TRIM37: variants seen among roughly 807,000 people sequenced by gnomAD.
TRIM37 encodes the protein tripartite motif containing 37.
In TRIM37, 80 loss-of-function variants were observed where a neutral mutation model predicts 129.8. The ratio of observed to expected loss-of-function variants is 0.62; its 90% CI spans 0.51 to 0.74. The LOEUF (loss-of-function observed/expected upper bound fraction) is 0.74, where lower values mean the gene tolerates loss of function less well. Ranked by LOEUF, TRIM37 falls within the 30% of genes least tolerant of loss-of-function variation. The pLI, the probability that TRIM37 is intolerant of heterozygous loss-of-function variation, is 0.00. For synonymous variants in TRIM37, 389 were observed against 387.1 expected (o/e 1.00, Z -0.06); for missense variants, 1,054 against 1,176.5 (o/e 0.90, Z 1.52).
the TRIM37 span, among the ~76,000 whole-genome samples, chr17:58,975,111 C>G: frequency 6.6e-6 from 1 of 152,150 alleles, no homozygotes; most frequent in Non-Finnish European, 1.5e-5. Flanking sequence ...CTGAAAATCA[C>G]CGAACCAGAG....
intron 24 of TRIM37, among the ~76,000 whole-genome samples, chr17:58,992,055 A>C (rs2032462671): frequency 6.6e-6 from 1 of 151,886 alleles, no homozygotes; most frequent in African/African-American, 2.4e-5. Context: ...CGTATTTGCT[A>C]TCCTACTCAT....
At chr17:59,079,946 T>C (rs1009489883) in intron 6 of TRIM37, 69 bp from the exon 7 acceptor site, 23 of 1,528,552 alleles carry the variant, frequency 1.5e-5, no homozygotes, top group Non-Finnish European at 1.9e-5. Context: ...CACATTATAA[T>C]ATTGCCAAGA....
chr17:58,976,956 G>A, the TRIM37 span, among the ~76,000 whole-genome samples: 4 of 151,940 alleles, frequency 2.6e-5, no homozygotes, highest in African/African-American at 9.7e-5. Flanking sequence ...TTAGTAAATT[G>A]GTGAAGGACA....
intron 19 of TRIM37, among the ~76,000 whole-genome samples, chr17:59,018,645 C>T (rs748774127): frequency 6.6e-6 from 1 of 151,294 alleles, no homozygotes; most frequent in African/African-American, 2.4e-5. Flanking sequence ...GATTAGAATA[C>T]TTAATACTGT....
chr17:59,064,072 G>A (rs1325265084), intron 10 of TRIM37: 2 of 311,022 alleles, frequency 6.4e-6, no homozygotes, highest in East Asian at 7.0e-5. Context: ...AGGCTGCAGT[G>A]AGCAATGATC....
the TRIM37 span, among the ~76,000 whole-genome samples, chr17:58,977,026 A>G: frequency 6.6e-6 from 1 of 152,066 alleles, no homozygotes; most frequent in Non-Finnish European, 1.5e-5. Flanking sequence ...AAATTTTTGC[A>G]TTTTCTGCTT....
At chr17:58,976,658 C>T in the TRIM37 span, among the ~76,000 whole-genome samples, 3 of 152,236 alleles carry the variant, frequency 2.0e-5, no homozygotes, top group Non-Finnish European at 2.9e-5. Context: ...GCCATTTCTA[C>T]GATGAAATGG....
At chr17:59,088,252 A>G in intron 4 of TRIM37, 39 bp downstream of exon 4, 1 of 1,399,640 alleles carries the variant, frequency 7.1e-7, no homozygotes, top group East Asian at 2.3e-5. Flanking sequence ...TACAAAGGCA[A>G]AATCCATTCA....
intron 24 of TRIM37, among the ~76,000 whole-genome samples, chr17:58,993,167 T>G (rs1487177535): frequency 6.6e-6 from 1 of 152,198 alleles, no homozygotes; most frequent in Non-Finnish European, 1.5e-5. Flanking sequence ...TGCCACCACA[T>G]GAGATGTGCC....
At chr17:59,026,443 T>A (rs2037256926) in intron 19 of TRIM37, among the ~76,000 whole-genome samples, 1 of 152,136 alleles carries the variant, frequency 6.6e-6, no homozygotes, top group Non-Finnish European at 1.5e-5. Flanking sequence ...CTTCAAATGT[T>A]AAATGACACA....
chr17:59,045,860 C>CAA (rs2039738608), intron 16 of TRIM37, among the ~76,000 whole-genome samples: 1 of 151,314 alleles, frequency 6.6e-6, no homozygotes, highest in Admixed American at 6.6e-5. Flanking sequence ...ACTAAAAATA[C>CAA]AAAAAAATAG....
chr17:59,081,310 G>T, intron 5 of TRIM37, 91 bp from the exon 6 acceptor site: 1 of 1,530,422 alleles, frequency 6.5e-7, no homozygotes, highest in Non-Finnish European at 8.9e-7. Context: ...TAATAAACTG[G>T]TAAATCTCTC....
chr17:59,104,506 T>C (rs1474977599), intron 1 of TRIM37, 112 bp from the exon 2 acceptor site: 1 of 936,572 alleles, frequency 1.1e-6, no homozygotes, highest in East Asian at 2.4e-5. Flanking sequence ...ATCTCTCAAT[T>C]TTAACTATTC....
chr17:59,084,188 T>C (rs2043551693), intron 4 of TRIM37, 99 bp from the exon 5 acceptor site: 28 of 892,428 alleles, frequency 3.1e-5, no homozygotes, highest in Non-Finnish European at 4.3e-5. Context: ...TTTTAAATGA[T>C]TATATCTCAA....
At chr17:58,989,791 A>G (rs2032176875) in intron 24 of TRIM37, among the ~76,000 whole-genome samples, 1 of 152,212 alleles carries the variant, frequency 6.6e-6, no homozygotes, top group African/African-American at 2.4e-5. Context: ...TAGAAGGAGA[A>G]GAGAAAGATA....
intron 2 of TRIM37, 32 bp downstream of exon 2, chr17:59,104,261 A>G (rs1174082613): frequency 2.6e-6 from 4 of 1,556,512 alleles, no homozygotes; most frequent in African/African-American, 2.7e-5. Flanking sequence ...TACTATATAT[A>G]CTAACTGCAT....
intron 9 of TRIM37, among the ~76,000 whole-genome samples, chr17:59,069,315 C>T (rs2146719309): frequency 6.6e-6 from 1 of 151,782 alleles, no homozygotes; most frequent in Admixed American, 6.6e-5. Flanking sequence ...CCACTGCATT[C>T]CAGCCTGGGT....
intron 17 of TRIM37, among the ~76,000 whole-genome samples, chr17:59,036,927 G>A (rs1005235098): frequency 3.3e-5 from 5 of 151,728 alleles, no homozygotes; most frequent in Non-Finnish European, 5.9e-5. Flanking sequence ...AGCCTGGCCA[G>A]CATGGTGAAA....
the TRIM37 span, chr17:58,972,409 G>T: frequency 1.0e-6 from 1 of 983,436 alleles, no homozygotes. Context: ...GGAGTGCAAT[G>T]GTGTGATCTT....
Sources: gnomAD v4.1 joint callset for allele counts (sites outside exome capture counted in the v4.1 genomes callset) on GRCh38, gnomAD v4.1.1 for gene constraint, MANE v1.5 for transcripts, NCBI Gene and HGNC (gene_info 2026-07-23, HGNC 2026-07-21) for gene names.